ASTN2: variants seen among roughly 807,000 people sequenced by gnomAD.
ASTN2 encodes astrotactin 2.
In ASTN2, 54 loss-of-function variants were observed where a neutral mutation model predicts 139.8. The ratio of observed to expected loss-of-function variants is 0.39; its 90% CI spans 0.31 to 0.48. The LOEUF is 0.48. Among genes scored for constraint, ASTN2 ranks in the 20% least tolerant of loss-of-function variants. The probability of loss-of-function intolerance (pLI) is 0.95; values close to 1 mark genes in which losing one functional copy is unlikely to be tolerated. For synonymous variants in ASTN2, 756 were observed against 719.5 expected (o/e 1.05, Z -0.81); for missense variants, 1,565 against 1,725.1 (o/e 0.91, Z 1.64).
intron 1 of ASTN2, among the ~76,000 whole-genome samples, chr9:117,361,244 A>T (rs1829684850): frequency 6.6e-6 from 1 of 152,214 alleles, no homozygotes; most frequent in Admixed American, 6.5e-5. Context: ...CCTCCAGCAG[A>T]TTGGAGAGCA....
chr9:116,499,631 G>A (rs527930599), intron 19 of ASTN2, among the ~76,000 whole-genome samples: 113 of 152,138 alleles, frequency 7.4e-4, no homozygotes, highest in Non-Finnish European at 1.2e-3. Flanking sequence ...CACCACCTGA[G>A]CCCTAGTGCC....
chr9:117,393,259 T>C (rs1422346188), intron 1 of ASTN2, among the ~76,000 whole-genome samples: 1 of 152,038 alleles, frequency 6.6e-6, no homozygotes, highest in Admixed American at 6.6e-5. Context: ...GTTTCTCTGG[T>C]TAGGGTAGGT....
At chr9:117,168,980 C>T (rs185585522) in intron 3 of ASTN2, among the ~76,000 whole-genome samples, 57 of 152,254 alleles carry the variant, frequency 3.7e-4, no homozygotes, top group Non-Finnish European at 6.3e-4. Flanking sequence ...GGACAATACA[C>T]ATCTCCTCTG....
chr9:116,776,666 T>C (rs1830095211), intron 13 of ASTN2, among the ~76,000 whole-genome samples: 1 of 152,078 alleles, frequency 6.6e-6, no homozygotes. Context: ...GAGAACAACC[T>C]GACAAGAGTT....
intron 16 of ASTN2, among the ~76,000 whole-genome samples, chr9:116,722,670 G>C (rs1431018794): frequency 1.3e-5 from 2 of 152,146 alleles, no homozygotes; most frequent in Non-Finnish European, 1.5e-5. Context: ...GCTTTCTGGG[G>C]TAGATGGGAA....
Position 116,660,453 on chromosome 9 carries a change from C to A in ASTN2, c.2807-8660G>T, listed in dbSNP as rs10983294. Among the ~76,000 whole-genome samples the A allele has an allele frequency of 3.1e-3, 470 of 152,258 alleles. 3 individuals carry two copies. Among genetic ancestry groups the A allele is most frequent in the African/African-American group, 0.011 (449 of 41,540 alleles). The stretch of plus-strand genomic sequence containing the variant: ...GGAACAAGACCTTAACCTCTCTAAG[C>A]CTCCATTTCCTCATCTGTAAAATGC... On this transcript the variant is annotated intron_variant, in intron 16 of 22. Transcript: ENST00000313400.
chr9:116,683,274 T>C (rs1860001087), intron 16 of ASTN2, among the ~76,000 whole-genome samples: 1 of 152,096 alleles, frequency 6.6e-6, no homozygotes, highest in Non-Finnish European at 1.5e-5. Flanking sequence ...TTGGTTTTCT[T>C]TGGACTATAT....
At chr9:117,016,646 ATATATATATAACC>A (rs1837704327) in intron 6 of ASTN2, among the ~76,000 whole-genome samples, 8 of 102,416 alleles carry the variant, frequency 7.8e-5, no homozygotes, top group South Asian at 3.3e-4. Context: ...ATATATATAT[ATATATATATAACC>A]TATATATATG....
chr9:116,571,132 C>T (rs913983101), intron 19 of ASTN2, among the ~76,000 whole-genome samples: 2 of 152,162 alleles, frequency 1.3e-5, no homozygotes, highest in South Asian at 2.1e-4. Flanking sequence ...AGATATGATT[C>T]GGTGCCACTG....
intron 6 of ASTN2, among the ~76,000 whole-genome samples, chr9:117,023,412 C>T (rs1046266093): frequency 8.5e-5 from 13 of 152,140 alleles, no homozygotes; most frequent in African/African-American, 3.1e-4. Context: ...TTCACATGTT[C>T]CTTTAAATGT....
rs185961907 is a variant in ASTN2, at chr9:116,470,952, C to T, written c.3497+16407G>A. 7.2e-5 allele frequency among the ~76,000 whole-genome samples: 11 copies of T among 152,190 alleles called. No homozygotes were observed. In the East Asian group the frequency reaches 9.7e-4, roughly 13 times the overall value. ...CTGGAAGAAAGTTATAACTCTAAGA[C>T]GATGTATTGTTCAAAAATTAACAAG... On this transcript the variant is annotated intron_variant, in intron 20 of 22. Transcript: ENST00000313400.
intron 16 of ASTN2, among the ~76,000 whole-genome samples, chr9:116,669,490 A>T (rs936952855): frequency 1.3e-5 from 2 of 152,198 alleles, no homozygotes; most frequent in Non-Finnish European, 2.9e-5. Context: ...AATGAACAAG[A>T]ATTCCTGTGG....
At chr9:117,299,473 G>A (rs1033860699) in intron 1 of ASTN2, among the ~76,000 whole-genome samples, 5 of 152,168 alleles carry the variant, frequency 3.3e-5, no homozygotes, top group Admixed American at 6.5e-5. Context: ...GAGTCTCAAA[G>A]AATTGGCAAG....
chr9:117,058,965 G>C (rs1376032538), intron 5 of ASTN2, among the ~76,000 whole-genome samples: 1 of 152,152 alleles, frequency 6.6e-6, no homozygotes, highest in Non-Finnish European at 1.5e-5. Context: ...AACGTTGAAG[G>C]CCAGTTAATG....
intron 4 of ASTN2, among the ~76,000 whole-genome samples, chr9:117,140,184 G>A (rs909363340): frequency 1.2e-4 from 19 of 152,196 alleles, no homozygotes; most frequent in African/African-American, 4.6e-4. Flanking sequence ...GGGCCAGAGA[G>A]GTGGTTTCAT....
intron 19 of ASTN2, among the ~76,000 whole-genome samples, chr9:116,518,708 T>G (rs1186447334): frequency 6.6e-6 from 1 of 152,142 alleles, no homozygotes; most frequent in Admixed American, 6.5e-5. Context: ...AGGCTCCACT[T>G]AAAAGATACA....
intron 16 of ASTN2, among the ~76,000 whole-genome samples, chr9:116,669,119 G>A (rs1564194108): frequency 1.3e-5 from 2 of 152,174 alleles, no homozygotes; most frequent in Admixed American, 1.3e-4. Flanking sequence ...GTCCACCAGT[G>A]TGCCATGTCA....
chr9:117,354,652 T>C (rs1587975579), intron 1 of ASTN2, among the ~76,000 whole-genome samples: 1 of 152,200 alleles, frequency 6.6e-6, no homozygotes, highest in African/African-American at 2.4e-5. Flanking sequence ...CCAGACCTTA[T>C]ATGATCTGGC....
chr9:116,466,808 T>TC (rs1447020909), intron 20 of ASTN2, among the ~76,000 whole-genome samples: 1 of 152,180 alleles, frequency 6.6e-6, no homozygotes, highest in African/African-American at 2.4e-5. Flanking sequence ...AGCTTTTTTT[T>TC]CTCCATAACC....
Sources: gnomAD v4.1 joint callset for allele counts (sites outside exome capture counted in the v4.1 genomes callset) on GRCh38, gnomAD v4.1.1 for gene constraint, MANE v1.5 for transcripts, NCBI Gene and HGNC (gene_info 2026-07-23, HGNC 2026-07-21) for gene names.